PTK2: variants seen among roughly 807,000 people sequenced by gnomAD.
The protein encoded by PTK2 is protein tyrosine kinase 2, also known as focal adhesion kinase 1.
In PTK2, 45 loss-of-function variants were observed where a neutral mutation model predicts 150.1. The ratio of observed to expected loss-of-function variants is 0.30; its 90% CI spans 0.24 to 0.38. PTK2 has a LOEUF of 0.38. Among genes scored for constraint, PTK2 ranks in the 10% least tolerant of loss-of-function variants. The probability of loss-of-function intolerance (pLI) is 1.00; values close to 1 mark genes in which losing one functional copy is unlikely to be tolerated. For synonymous variants in PTK2, 432 were observed against 449.2 expected (o/e 0.96, Z 0.48); for missense variants, 919 against 1,307.3 (o/e 0.70, Z 4.58).
intron 1 of PTK2, among the ~76,000 whole-genome samples, chr8:140,928,756 T>G (rs998396459): frequency 2.6e-5 from 4 of 152,084 alleles, no homozygotes; most frequent in Non-Finnish European, 5.9e-5. Flanking sequence ...AAGTAGGTAG[T>G]AGAATGGTGG....
intron 1 of PTK2, among the ~76,000 whole-genome samples, chr8:140,933,381 C>CT (rs1355819404): frequency 6.6e-6 from 1 of 152,168 alleles, no homozygotes; most frequent in Non-Finnish European, 1.5e-5. Context: ...TTTGCATTTA[C>CT]TTTTACCTTT....
intron 14 of PTK2, among the ~76,000 whole-genome samples, chr8:140,765,937 T>G (rs1177219041): frequency 6.6e-6 from 1 of 152,160 alleles, no homozygotes; most frequent in Non-Finnish European, 1.5e-5. Flanking sequence ...ACGCTCAACT[T>G]TGTGATACTC....
At chr8:140,876,892 A>C (rs2100145854) in intron 4 of PTK2, among the ~76,000 whole-genome samples, 1 of 151,884 alleles carries the variant, frequency 6.6e-6, no homozygotes, top group African/African-American at 2.4e-5. Context: ...CTGACACTTA[A>C]ATTCCTCCCC....
intron 3 of PTK2, chr8:140,890,311 T>A: frequency 2.3e-6 from 1 of 440,176 alleles, no homozygotes; most frequent in Non-Finnish European, 3.9e-6. Flanking sequence ...TCAATGGTAT[T>A]TTATGACTAA....
chr8:140,881,722 A>G (rs13261338), intron 3 of PTK2, among the ~76,000 whole-genome samples: 63,289 of 152,090 alleles, frequency 0.42, 15,131 homozygotes, highest in Non-Finnish European at 0.55. Flanking sequence ...CAGCTTCTCC[A>G]GTTGCCTTCT....
intron 7 of PTK2, among the ~76,000 whole-genome samples, chr8:140,843,990 T>C (rs951940566): frequency 6.6e-6 from 1 of 152,208 alleles, no homozygotes; most frequent in Non-Finnish European, 1.5e-5. Flanking sequence ...GATATGTGAG[T>C]TTCTCTGACT....
At chr8:140,824,828 T>G (rs568162148) in intron 8 of PTK2, among the ~76,000 whole-genome samples, 1 of 152,302 alleles carries the variant, frequency 6.6e-6, no homozygotes, top group South Asian at 2.1e-4. Context: ...TTAACCTGGA[T>G]TTTGGAAACA....
At chr8:140,918,572 C>T (rs1435872566) in intron 2 of PTK2, among the ~76,000 whole-genome samples, 1 of 152,082 alleles carries the variant, frequency 6.6e-6, no homozygotes, top group Non-Finnish European at 1.5e-5. Flanking sequence ...TTGGATGGGA[C>T]CTAAGGTGGA....
intron 10 of PTK2, among the ~76,000 whole-genome samples, chr8:140,817,590 A>C (rs2100105527): frequency 6.6e-6 from 1 of 152,166 alleles, no homozygotes; most frequent in African/African-American, 2.4e-5. Flanking sequence ...CTCGGTACTT[A>C]TTGTTGTATG....
At chr8:140,954,499 T>C (rs548580070) in intron 1 of PTK2, among the ~76,000 whole-genome samples, 1 of 152,338 alleles carries the variant, frequency 6.6e-6, no homozygotes, top group South Asian at 2.1e-4. Context: ...GTGTTTATAA[T>C]GTACCAGACA....
intron 27 of PTK2, among the ~76,000 whole-genome samples, chr8:140,684,936 A>G (rs1250079791): frequency 6.6e-6 from 1 of 152,212 alleles, no homozygotes; most frequent in Non-Finnish European, 1.5e-5. Context: ...GAATAGTCAA[A>G]GCAATCCTAA....
At chr8:140,949,979 G>A (rs2100178972) in intron 1 of PTK2, among the ~76,000 whole-genome samples, 2 of 113,384 alleles carry the variant, frequency 1.8e-5, no homozygotes, top group Admixed American at 1.9e-4. Flanking sequence ...GACTCAGAGA[G>A]ATGTTAGCAC....
intron 8 of PTK2, chr8:140,820,727 G>A (rs1366209560): frequency 1.3e-5 from 2 of 152,286 alleles, no homozygotes; most frequent in African/African-American, 4.8e-5. Flanking sequence ...GTAAAGGTCA[G>A]AAAGAATGCC....
At chr8:140,711,789 G>A (rs147191432) in intron 23 of PTK2, among the ~76,000 whole-genome samples, 1 of 152,232 alleles carries the variant, frequency 6.6e-6, no homozygotes, top group East Asian at 1.9e-4. Flanking sequence ...TCAGATCTGA[G>A]TGCTTTATAC....
intron 19 of PTK2, among the ~76,000 whole-genome samples, chr8:140,744,280 T>C (rs1192454674): frequency 1.3e-5 from 2 of 152,098 alleles, no homozygotes; most frequent in African/African-American, 4.8e-5. Context: ...CAGGACAATA[T>C]TTGTTTTAGA....
intron 14 of PTK2, among the ~76,000 whole-genome samples, chr8:140,767,903 A>G (rs2100073302): frequency 6.6e-6 from 1 of 152,048 alleles, no homozygotes; most frequent in African/African-American, 2.4e-5. Flanking sequence ...ATTGGAGTAC[A>G]GTCTGAAACT....
At chr8:140,762,245 A>T (rs2154548825) in intron 15 of PTK2, 123 bp downstream of exon 18, 1 of 380,778 alleles carries the variant, frequency 2.6e-6, no homozygotes, top group South Asian at 8.9e-5. Flanking sequence ...CATTGATTTA[A>T]CAGTATAAGT....
intron 5 of PTK2, among the ~76,000 whole-genome samples, chr8:140,857,478 C>T (rs904095837): frequency 1.3e-5 from 2 of 152,188 alleles, no homozygotes; most frequent in Non-Finnish European, 2.9e-5. Flanking sequence ...AGGATTCCAA[C>T]AGTATTGCTA....
chr8:140,813,293 A>G (rs2100102709), intron 10 of PTK2, among the ~76,000 whole-genome samples: 1 of 152,166 alleles, frequency 6.6e-6, no homozygotes, highest in African/African-American at 2.4e-5. Context: ...TTGGGTAAAT[A>G]ATGAAATTAA....
Sources: gnomAD v4.1 joint callset for allele counts (sites outside exome capture counted in the v4.1 genomes callset) on GRCh38, gnomAD v4.1.1 for gene constraint, MANE v1.5 for transcripts, NCBI Gene and HGNC (gene_info 2026-07-23, HGNC 2026-07-21) for gene names.